Variants in MAN1C1 observed in about 807,000 individuals in gnomAD.
MAN1C1 encodes mannosidase alpha class 1C member 1.
A neutral mutation model predicts 71.5 loss-of-function variants in MAN1C1; 49 were observed. That is an observed-to-expected ratio of 0.69 (90% confidence interval 0.54 to 0.87). The LOEUF is 0.87. Ranked by LOEUF, MAN1C1 falls within the 40% of genes least tolerant of loss-of-function variation. MAN1C1 has a pLI of 0.00. For synonymous variants in MAN1C1, 352 were observed against 343.7 expected, an observed-to-expected ratio of 1.02 and a Z score of -0.27; for missense variants, 743 against 835.0, an observed-to-expected ratio of 0.89 and a Z score of 1.36.
chr1:25,618,339 T>C lies in MAN1C1; in HGVS notation c.540+2T>C. Reference sequence around the variant, plus strand: ...GCCCAGCGGGAGAAAATCAAGGAGGTATGGACTCAGCCCCCAAACTCCTCC... The same window carrying C: ...GCCCAGCGGGAGAAAATCAAGGAGGCATGGACTCAGCCCCCAAACTCCTCC... On this transcript the variant is annotated splice_donor_variant, in intron 1 of 11. Transcript: ENST00000374332. LOFTEE classifies it high-confidence loss of function. The C allele has an allele frequency of 6.3e-7, 1 of 1,594,614 alleles. No homozygotes were observed. Among genetic ancestry groups the C allele is most frequent in the Non-Finnish European group, 8.5e-7 (1 of 1,173,288 alleles).
chr1:25,741,845 A>G (rs2047067326), intron 2 of MAN1C1, among the ~76,000 whole-genome samples: 1 of 152,234 alleles, frequency 6.6e-6, no homozygotes. Context: ...TAGAAGAGTC[A>G]TAAAAGTATC....
chr1:25,767,610 A>C (rs2047454809), intron 7 of MAN1C1, among the ~76,000 whole-genome samples: 1 of 112,474 alleles, frequency 8.9e-6, no homozygotes, highest in Non-Finnish European at 1.8e-5. Flanking sequence ...ACCCTCACAT[A>C]CATCCACACT....
intron 1 of MAN1C1, 106 bp downstream of exon 1, chr1:25,618,443 AGGTCTACTTCT>A: frequency 8.7e-7 from 1 of 1,152,922 alleles, no homozygotes; most frequent in Non-Finnish European, 1.2e-6. Context: ...TCCTGGTCCC[AGGTCTACTTCT>A]GGCCCTGCAG....
In MAN1C1 at chr1:25,775,462, C is replaced by T. The variant is rs536164694; in HGVS notation, c.1258-2643C>T. On this transcript the variant is annotated intron_variant, in intron 8 of 11. Coordinates refer to ENST00000374332, the MANE Select transcript of MAN1C1 (RefSeq NM_020379.4). The surrounding 1 kb of genome is among the most constrained non-coding windows in gnomAD (Gnocchi z 5.1). ...AGGAAAAAACAGACCCAGGAGTGAG[C>T]GAGTGTTCCTTGAGCATCTTCTGTG... Among the ~76,000 whole-genome samples the T allele has an allele frequency of 1.5e-4, 23 of 152,336 alleles. No homozygotes were observed. Among genetic ancestry groups the T allele is most frequent in the African/African-American group, 4.8e-4 (20 of 41,574 alleles).
intron 7 of MAN1C1, among the ~76,000 whole-genome samples, chr1:25,771,031 A>G (rs1420348606): frequency 6.6e-6 from 1 of 152,238 alleles, no homozygotes; most frequent in African/African-American, 2.4e-5. Context: ...TGGTTCAGCC[A>G]CAGCCTGTGA....
chr1:25,618,054 C>A lies in MAN1C1; in HGVS notation c.257C>A (p.Pro86His), dbSNP rs1198658360. The A allele has an allele frequency of 6.4e-7, 1 of 1,562,494 alleles. No individual in the cohort carries two copies. Among genetic ancestry groups the A allele is most frequent in the Admixed American group, 1.8e-5 (1 of 54,132 alleles). Residue 86 changes from proline to histidine, a missense_variant, in exon 1 of 12, where the codon CCC (proline) becomes CAC (histidine). Transcript: ENST00000374332. ...CAGGAGCCGCCTCCCAACCCGGCCC[C>A]CGCCGCGCCGGCCCCGGGCGAGGAT... Reference protein sequence around the residue: ...REQEPPPNPAPAAPAPGEDDP... With the variant: ...REQEPPPNPAHAAPAPGEDDP...
At chr1:25,668,881 T>A (rs1296082174) in intron 1 of MAN1C1, among the ~76,000 whole-genome samples, 1 of 152,206 alleles carries the variant, frequency 6.6e-6, no homozygotes, top group Non-Finnish European at 1.5e-5. Flanking sequence ...TTTCAGCTGC[T>A]GTGCTCAGAA....
intron 2 of MAN1C1, among the ~76,000 whole-genome samples, chr1:25,695,885 C>G (rs1425097401): frequency 6.6e-6 from 1 of 152,228 alleles, no homozygotes; most frequent in Admixed American, 6.5e-5. Context: ...TTTGCTTTGT[C>G]TCTGCCCAGG....
chr1:25,753,636 G>A lies in MAN1C1; in HGVS notation c.929+58G>A. The A allele has an allele frequency of 6.6e-7, 1 of 1,526,288 alleles. No individual in the cohort carries two copies. Among genetic ancestry groups the A allele is most frequent in the Non-Finnish European group, 9.0e-7 (1 of 1,110,062 alleles). 94.5% of individuals were successfully genotyped at this position (1,526,288 alleles called of 1,614,324 possible). ...TACTGCGACCATGCCCACCATTTGT[G>A]TTTTGTCTGGGTGGTGCTGGTGAGG... On this transcript the variant is annotated intron_variant, in intron 5 of 11. Coordinates refer to ENST00000374332, the MANE Select transcript of MAN1C1 (RefSeq NM_020379.4). The surrounding 1 kb of genome is among the most constrained non-coding windows in gnomAD (Gnocchi z 4.9).
chr1:25,684,714 G>T (rs986888275), intron 1 of MAN1C1, among the ~76,000 whole-genome samples: 5 of 152,258 alleles, frequency 3.3e-5, no homozygotes, highest in African/African-American at 1.2e-4. Context: ...GGCACCAGGA[G>T]TGGCCGAGCA....
intron 1 of MAN1C1, among the ~76,000 whole-genome samples, chr1:25,679,730 A>G (rs2046119662): frequency 6.6e-6 from 1 of 151,858 alleles, no homozygotes; most frequent in African/African-American, 2.4e-5. Flanking sequence ...ATATATGCAC[A>G]CTGTATGTAT....
At position 25,766,767 on chromosome 1, in the gene MAN1C1, G is replaced by C. The variant is rs577949503; in HGVS notation, c.1141+2800G>C. ...TCACCAGCCCCTCGGTGCGGCACCT[G>C]AGTAACTTGTCCACTGCCTGAATCC... On this transcript the variant is annotated intron_variant, in intron 7 of 11. Coordinates refer to ENST00000374332, the MANE Select transcript of MAN1C1 (RefSeq NM_020379.4). Among the ~76,000 whole-genome samples the C allele has an allele frequency of 1.1e-4, 16 of 152,248 alleles. No individual in the cohort carries two copies. In the South Asian group the frequency reaches 3.1e-3, roughly 30 times the overall value.
rs946253764 is a variant in MAN1C1, at chr1:25,725,891, G to C, written c.638-20777G>C. On this transcript the variant is annotated intron_variant, in intron 2 of 11. Transcript: ENST00000374332. This position sits in a 1 kb window ranked among gnomAD's most constrained non-coding sequence, Gnocchi z 4.8. ...GTGCTCGGGGCAGAAGGTCCATCCT[G>C]GGCTGAGGCTCAGCGGTACGGCATG... Among the ~76,000 whole-genome samples the C allele has an allele frequency of 1.3e-5, 2 of 152,206 alleles. No homozygotes were observed. Among genetic ancestry groups the C allele is most frequent in the African/African-American group, 4.8e-5 (2 of 41,452 alleles).
chr1:25,782,489 T>G lies in MAN1C1; in HGVS notation c.1651-96T>G, dbSNP rs902971352. On this transcript the variant is annotated intron_variant, in intron 10 of 11. Transcript: ENST00000374332. This position sits in a 1 kb window ranked among gnomAD's most constrained non-coding sequence, Gnocchi z 4.4. The stretch of plus-strand genomic sequence containing the variant: ...CAAGGGGTGGGGGTGCTGTCTGCTT[T>G]CTTCTAGCTCCAGCCTGCCAGGCAT... 2.6e-6 allele frequency: 2 copies of G among 765,168 alleles called. No individual in the cohort carries two copies. Among genetic ancestry groups the G allele is most frequent in the Middle Eastern group, 2.3e-4 (1 of 4,282 alleles). The allele number at this position is 765,168 out of a possible 1,614,324, so 47.4% of individuals were successfully genotyped here. A position where few individuals can be genotyped will look rare whatever the true frequency, so the allele number is the denominator to read the frequency against.
chr1:25,766,758 G>A (rs979734269), intron 7 of MAN1C1, among the ~76,000 whole-genome samples: 16 of 152,108 alleles, frequency 1.1e-4, no homozygotes, highest in African/African-American at 3.4e-4. Flanking sequence ...GCCCCTCGGT[G>A]CGGCACCTGA....
In MAN1C1 at chr1:25,769,903, G is replaced by A. The variant is rs915665282; in HGVS notation, c.1142-1754G>A. The stretch of plus-strand genomic sequence containing the variant: ...CCTGGCCTTGTTTCACTTAATCCCC[G>A]TGGCCACCCTATGGGGAGGGACCGG... On this transcript the variant is annotated intron_variant, in intron 7 of 11. Coordinates refer to ENST00000374332, the MANE Select transcript of MAN1C1 (RefSeq NM_020379.4). This position sits in a 1 kb window ranked among gnomAD's most constrained non-coding sequence, Gnocchi z 4.8. Among the ~76,000 whole-genome samples the A allele has an allele frequency of 2.0e-5, 3 of 152,142 alleles. No individual in the cohort carries two copies. Among genetic ancestry groups the A allele is most frequent in the Admixed American group, 6.5e-5 (1 of 15,286 alleles).
intron 11 of MAN1C1, among the ~76,000 whole-genome samples, chr1:25,783,430 C>T (rs931470500): frequency 5.3e-5 from 8 of 152,178 alleles, no homozygotes; most frequent in Non-Finnish European, 1.2e-4. Flanking sequence ...ATGGCAGAGC[C>T]AGGGTAAACT....
chr1:25,670,951 G>A (rs933245800), intron 1 of MAN1C1, among the ~76,000 whole-genome samples: 2 of 152,038 alleles, frequency 1.3e-5, no homozygotes. Context: ...ATCTTGGCTC[G>A]CTGCAACCAC....
intron 2 of MAN1C1, among the ~76,000 whole-genome samples, chr1:25,687,778 C>T (rs1353508928): frequency 2.0e-5 from 3 of 151,942 alleles, no homozygotes; most frequent in Non-Finnish European, 2.9e-5. Flanking sequence ...TTATTTTTCT[C>T]ATTATCCTAG....
Sources: allele counts gnomAD v4.1 joint callset (sites outside exome capture counted in the v4.1 genomes callset), GRCh38; gene constraint gnomAD v4.1.1; non-coding constraint Gnocchi (gnomAD v3.1); transcripts MANE v1.5; gene names NCBI Gene and HGNC (gene_info 2026-07-23, HGNC 2026-07-21).